The following ATP5PO variants were observed in gnomAD, a reference collection of about 807,000 sequenced individuals.
The protein encoded by ATP5PO is ATP synthase peripheral stalk subunit OSCP, also known as ATP synthase peripheral stalk subunit OSCP, mitochondrial.
In ATP5PO, 14 loss-of-function variants were observed where a neutral mutation model predicts 26.2. The observed-to-expected ratio is 0.53, with a 90% CI of 0.35 to 0.83. The LOEUF is 0.83. ATP5PO is among the 40% of genes least tolerant of loss of function. The pLI, the probability that ATP5PO is intolerant of heterozygous loss-of-function variation, is 0.01. For synonymous variants in ATP5PO, 106 were observed against 95.1 expected (o/e 1.12, Z -0.67); for missense variants, 241 against 258.5 (o/e 0.93, Z 0.46).
chr21:33,905,805 G>C (rs1987161496), intron 5 of ATP5PO, among the ~76,000 whole-genome samples: 1 of 151,630 alleles, frequency 6.6e-6, no homozygotes, highest in South Asian at 2.1e-4. Context: ...CCAGCTACTT[G>C]GGAGGCTGAG....
rs372840826 is a variant in ATP5PO, at chr21:33,915,775, C to G, written c.-12G>C. On this transcript the variant is annotated 5_prime_UTR_variant, in exon 1 of 7. Coordinates refer to ENST00000290299, the MANE Select transcript of ATP5PO (RefSeq NM_001697.3). ...GCTGGGGCAGCCATCTTCTCCCGGG[C>G]GGCTGTAGGTCAAACCCGAGTGGGA... 3.1e-5 allele frequency: 49 copies of G among 1,566,434 alleles called. No individual in the cohort carries two copies. The East Asian group carries it at 1.1e-3, about 35-fold the overall frequency.
chr21:33,906,299 A>T (rs1987172067), intron 5 of ATP5PO: 1 of 213,812 alleles, frequency 4.7e-6, no homozygotes, highest in Non-Finnish European at 9.5e-6. Flanking sequence ...CCTGTAGGGT[A>T]AGCTACACTA....
chr21:33,910,703 C>T (rs920729296), intron 3 of ATP5PO, among the ~76,000 whole-genome samples: 3 of 152,172 alleles, frequency 2.0e-5, no homozygotes, highest in Admixed American at 6.5e-5. Flanking sequence ...TGCCCTTCCC[C>T]CAAATGTCTC....
chr21:33,909,084 A>T lies in ATP5PO; in HGVS notation c.326T>A (p.Ile109Asn), dbSNP rs1189488688. 1.2e-6 allele frequency: 2 copies of T among 1,606,222 alleles called. No homozygotes were observed. Among genetic ancestry groups the T allele is most frequent in the South Asian group, 1.1e-5 (1 of 90,510 alleles). ...AATGAAAAAGTTCTAATACTCACTG[A>T]TCAGATTGGTAGTGAGGGGAGAGAA... ...ERFSPLTTNL[I>N]NLLAENGRLS... Residue 109 changes from isoleucine (I) to asparagine (N), a missense_variant and splice_region_variant, in exon 4 of 7, where the codon ATC becomes AAC. By Grantham distance (149) the Ile-to-Asn change is moderately radical. Around this residue, in one of 3 missense-constraint regions of ATP5PO, gnomAD observed 39 missense variants for 75.5 expected, o/e 0.52. Coordinates refer to ENST00000290299, the MANE Select transcript of ATP5PO (RefSeq NM_001697.3).
At chr21:33,914,419 T>A in intron 2 of ATP5PO, 31 bp downstream of exon 2, 1 of 1,601,622 alleles carries the variant, frequency 6.2e-7, no homozygotes, top group African/African-American at 1.3e-5. Flanking sequence ...TCGCGTACTT[T>A]ATCATTACAG....
intron 1 of ATP5PO, 194 bp downstream of exon 1, chr21:33,915,534 G>A (rs994040194): frequency 7.7e-6 from 6 of 774,520 alleles, no homozygotes; most frequent in African/African-American, 1.8e-5. Context: ...GCGCAGCCCC[G>A]CGCCTACTGC....
intron 3 of ATP5PO, among the ~76,000 whole-genome samples, chr21:33,910,626 C>T (rs1030359271): frequency 7.9e-5 from 12 of 152,190 alleles, no homozygotes; most frequent in Non-Finnish European, 1.5e-4. Context: ...ATGGGCATAA[C>T]TGACAAGTAG....
At position 33,903,999 on chromosome 21, in the gene ATP5PO, G is replaced by A; in HGVS notation, c.464C>T (p.Ser155Phe). 1 of 1,613,174 alleles carries A rather than the reference G, an allele frequency of 6.2e-7. No homozygotes were observed. Among genetic ancestry groups the A allele is most frequent in the African/African-American group, 1.3e-5 (1 of 75,002 alleles). Residue 155 changes from serine (S) to phenylalanine (F), a missense_variant, in exon 6 of 7, where the codon TCT becomes TTT. Coordinates refer to ENST00000290299, the MANE Select transcript of ATP5PO (RefSeq NM_001697.3). ...SASPLEEATL[S>F]ELKTVLKSFL... The stretch of plus-strand genomic sequence containing the variant: ...GCTCTTGAGGACAGTTTTTAATTCA[G>A]AGAGTGTGGCTTCTTCTAAAGGCTG...
chr21:33,905,859 C>T lies in ATP5PO; in HGVS notation c.441+1482G>A, dbSNP rs189450353. Reference sequence around the variant, plus strand: ...CCTGGGAGGCGGAAGTTGCAGTGAGCTAAGATCGTGCCACTGCACTCCAGC... The same window carrying T: ...CCTGGGAGGCGGAAGTTGCAGTGAGTTAAGATCGTGCCACTGCACTCCAGC... On this transcript the variant is annotated intron_variant, in intron 5 of 6. Transcript: ENST00000290299. 5.0e-5 allele frequency among the ~76,000 whole-genome samples: 7 copies of T among 139,778 alleles called. No individual in the cohort carries two copies. In the East Asian group the frequency reaches 1.3e-3, roughly 26 times the overall value. The allele number at this position is 139,778 out of a possible 152,430, so 91.7% of individuals were successfully genotyped here.
intron 1 of ATP5PO, 158 bp downstream of exon 1, chr21:33,915,570 G>A (rs571504008): frequency 7.9e-6 from 9 of 1,133,218 alleles, no homozygotes; most frequent in African/African-American, 1.6e-5. Context: ...GGGGACAAAC[G>A]CTGGGTCGTC....
intron 6 of ATP5PO, 52 bp from the exon 7 acceptor site, chr21:33,903,691 A>T (rs2148604808): frequency 6.3e-7 from 1 of 1,582,092 alleles, no homozygotes; most frequent in East Asian, 2.2e-5. Flanking sequence ...CAAATGGGAC[A>T]CACAAAAAAG....
chr21:33,915,706 C>G (rs1287771516), intron 1 of ATP5PO, 22 bp downstream of exon 1: 1 of 1,566,918 alleles, frequency 6.4e-7, no homozygotes, highest in East Asian at 2.4e-5. Flanking sequence ...CCCACTGGCT[C>G]TCAGGACCAC....
intron 5 of ATP5PO, among the ~76,000 whole-genome samples, chr21:33,905,426 C>G (rs561739644): frequency 1.3e-5 from 2 of 152,286 alleles, no homozygotes; most frequent in Admixed American, 6.5e-5. Flanking sequence ...AAGGCCACAT[C>G]AGCAGGTGAG....
In ATP5PO at chr21:33,915,795, G is replaced by T; in HGVS notation, c.-32C>A. 6.4e-7 allele frequency: 1 copy of T among 1,556,934 alleles called. No individual in the cohort carries two copies. ...CCGGGCGGCTGTAGGTCAAACCCGA[G>T]TGGGAAGAGAGAAACGCGCAAGGGC... On this transcript the variant is annotated 5_prime_UTR_variant, in exon 1 of 7. Coordinates refer to ENST00000290299, the MANE Select transcript of ATP5PO (RefSeq NM_001697.3).
chr21:33,904,219 A>G (rs542148301), intron 5 of ATP5PO, among the ~76,000 whole-genome samples, 198 bp from the exon 6 acceptor site: 22 of 152,306 alleles, frequency 1.4e-4, no homozygotes, highest in African/African-American at 5.1e-4. Flanking sequence ...GCCCTGCCTC[A>G]CAGCATCACC....
chr21:33,910,426 A>G (rs982957990), intron 3 of ATP5PO, among the ~76,000 whole-genome samples: 6 of 152,170 alleles, frequency 3.9e-5, no homozygotes, highest in African/African-American at 1.4e-4. Context: ...CATCATCCAG[A>G]GGACAGTGCG....
chr21:33,912,331 C>T lies in ATP5PO; in HGVS notation c.156G>A (p.Gln52=). The stretch of plus-strand genomic sequence containing the variant: ...CCTTTTCTACTTGCTCCAGCTTATT[C>T]TGTTTTGATGCAGCAGAATAAAGAG... ...ATALYSAASK[Q]NKLEQVEKEL... The change falls in exon 3 of 7, where the codon CAG becomes CAA. Residue 52 remains glutamine (Q), a synonymous_variant. Coordinates refer to ENST00000290299, the MANE Select transcript of ATP5PO (RefSeq NM_001697.3). 6.2e-7 allele frequency: 1 copy of T among 1,613,502 alleles called. No homozygotes were observed. The highest frequency in any genetic ancestry group is 8.5e-7 in the Non-Finnish European group (1 of 1,179,670).
intron 6 of ATP5PO, 147 bp downstream of exon 6, chr21:33,903,788 T>C: frequency 9.3e-7 from 1 of 1,079,650 alleles, no homozygotes; most frequent in South Asian, 1.7e-5. Context: ...CACAGTCAGA[T>C]AATCATTTAA....
chr21:33,907,991 C>CA (rs145774393), intron 4 of ATP5PO, among the ~76,000 whole-genome samples: 3,536 of 145,170 alleles, frequency 0.024, 144 homozygotes, highest in African/African-American at 0.083. Flanking sequence ...CCCTGCCTCA[C>CA]AAAAAAAAAA....
Sources: allele counts gnomAD v4.1 joint callset (sites outside exome capture counted in the v4.1 genomes callset), GRCh38; gene constraint gnomAD v4.1.1; regional missense constraint gnomAD v4.1.1; transcripts MANE v1.5; gene names NCBI Gene and HGNC (gene_info 2026-07-23, HGNC 2026-07-21).